The following PTPRD variants were observed in gnomAD, a reference collection of about 807,000 sequenced individuals.
PTPRD encodes the protein receptor-type tyrosine-protein phosphatase delta.
A neutral mutation model predicts 214.5 loss-of-function variants in PTPRD; 34 were observed. That is an observed-to-expected ratio of 0.16 (90% CI 0.12 to 0.21). The LOEUF is 0.21. Among genes scored for constraint, PTPRD ranks in the 10% least tolerant of loss-of-function variants. The pLI, the probability that PTPRD is intolerant of heterozygous loss-of-function variation, is 1.00. For missense variants in PTPRD, 2,545 were observed against 2,398.7 expected (o/e 1.06, Z -1.27); for synonymous variants, 1,128 against 845.7 (o/e 1.33, Z -5.79).
intron 12 of PTPRD, among the ~76,000 whole-genome samples, chr9:8,711,032 A>C (rs935040022): frequency 3.3e-5 from 5 of 149,458 alleles, no homozygotes; most frequent in African/African-American, 7.7e-5. Flanking sequence ...AAAGTATCTT[A>C]CTTTATTTTA....
At chr9:10,038,241 T>G (rs915934992) in intron 3 of PTPRD, among the ~76,000 whole-genome samples, 3 of 152,126 alleles carry the variant, frequency 2.0e-5, no homozygotes, top group African/African-American at 7.2e-5. Flanking sequence ...GGACTTCATC[T>G]TTAACATTTT....
intron 10 of PTPRD, among the ~76,000 whole-genome samples, chr9:9,144,600 A>G (rs1454774957): frequency 6.6e-6 from 1 of 152,088 alleles, no homozygotes; most frequent in Non-Finnish European, 1.5e-5. Context: ...AAAAATAGAA[A>G]AAATTAGCTG....
At chr9:9,642,020 G>A (rs953604549) in intron 7 of PTPRD, among the ~76,000 whole-genome samples, 6 of 150,212 alleles carry the variant, frequency 4.0e-5, no homozygotes, top group African/African-American at 1.5e-4. Flanking sequence ...CAACCCAAAT[G>A]TCCAACAATG....
At chr9:9,680,697 C>T (rs1162881350) in intron 7 of PTPRD, among the ~76,000 whole-genome samples, 1 of 151,684 alleles carries the variant, frequency 6.6e-6, no homozygotes, top group Non-Finnish European at 1.5e-5. Context: ...CTCCCACCAT[C>T]TCCTCCTAGG....
chr9:9,912,062 C>T (rs961433261), intron 5 of PTPRD, among the ~76,000 whole-genome samples: 2 of 151,982 alleles, frequency 1.3e-5, no homozygotes, highest in African/African-American at 2.4e-5. Flanking sequence ...TACAGCCTTG[C>T]TGATATATCT....
intron 2 of PTPRD, among the ~76,000 whole-genome samples, chr9:10,349,428 G>A (rs945660624): frequency 2.0e-5 from 3 of 151,986 alleles, no homozygotes; most frequent in Admixed American, 6.6e-5. Context: ...AGTTAACATT[G>A]TGGCCTATGT....
At chr9:9,335,923 T>A (rs2044265908) in intron 9 of PTPRD, among the ~76,000 whole-genome samples, 3 of 151,958 alleles carry the variant, frequency 2.0e-5, no homozygotes, top group Admixed American at 1.3e-4. Flanking sequence ...TAACATAATA[T>A]TCATTTCCAA....
At chr9:9,229,293 C>T (rs550295913) in intron 9 of PTPRD, among the ~76,000 whole-genome samples, 5 of 152,034 alleles carry the variant, frequency 3.3e-5, no homozygotes, top group Admixed American at 1.3e-4. Context: ...GGATTGCAAA[C>T]AAGAGTCTTT....
chr9:9,449,698 C>G (rs951444840), intron 8 of PTPRD, among the ~76,000 whole-genome samples: 3 of 151,906 alleles, frequency 2.0e-5, no homozygotes, highest in African/African-American at 7.2e-5. Context: ...GATGTGTATT[C>G]AGACATAACC....
At chr9:8,857,187 A>G (rs2097935639) in intron 11 of PTPRD, among the ~76,000 whole-genome samples, 1 of 151,006 alleles carries the variant, frequency 6.6e-6, no homozygotes, top group Non-Finnish European at 1.5e-5. Flanking sequence ...AGTTCAGAGG[A>G]AAGAAAGAAA....
intron 12 of PTPRD, among the ~76,000 whole-genome samples, chr9:8,691,136 G>A (rs1319286791): frequency 7.9e-5 from 12 of 152,024 alleles, no homozygotes; most frequent in Non-Finnish European, 1.3e-4. Flanking sequence ...ACTATTCCTC[G>A]TGGCCACATC....
At chr9:9,891,167 T>C (rs558428739) in intron 5 of PTPRD, among the ~76,000 whole-genome samples, 1 of 152,262 alleles carries the variant, frequency 6.6e-6, no homozygotes, top group East Asian at 1.9e-4. Context: ...CAACGGTATA[T>C]GCACAGTTAT....
At chr9:9,231,773 G>C (rs548807196) in intron 9 of PTPRD, among the ~76,000 whole-genome samples, 2 of 151,940 alleles carry the variant, frequency 1.3e-5, no homozygotes, top group African/African-American at 4.8e-5. Context: ...GGGTACATGT[G>C]CACAACGTAC....
intron 9 of PTPRD, among the ~76,000 whole-genome samples, chr9:9,202,542 C>T (rs1041807013): frequency 2.0e-5 from 3 of 152,138 alleles, no homozygotes; most frequent in Admixed American, 6.5e-5. Context: ...ACATCAGATG[C>T]AAGCTTGATC....
chr9:10,173,887 G>C (rs932945406), intron 3 of PTPRD, among the ~76,000 whole-genome samples: 1 of 151,884 alleles, frequency 6.6e-6, no homozygotes, highest in African/African-American at 2.4e-5. Flanking sequence ...TTAAATTTTA[G>C]ATAGCCAAGG....
chr9:8,374,285 G>C lies in PTPRD; in HGVS notation c.4661+1651C>G, dbSNP rs376710915. On this transcript the variant is annotated intron_variant, in intron 39 of 45. Coordinates refer to ENST00000381196, the MANE Select transcript of PTPRD (RefSeq NM_002839.4). ...TTTCATGTGTGATTTTTATAATCAA[G>C]GTCAGATCTGACCAAGCAGAGGCAC... Among the ~76,000 whole-genome samples, 6 of 151,584 alleles carry C rather than the reference G, an allele frequency of 4.0e-5. No homozygotes were observed. The East Asian group carries it at 1.2e-3, about 30-fold the overall frequency.
chr9:9,889,991 C>T (rs974277581), intron 5 of PTPRD, among the ~76,000 whole-genome samples: 1 of 152,004 alleles, frequency 6.6e-6, no homozygotes, highest in Non-Finnish European at 1.5e-5. Context: ...GCAAACTTCT[C>T]CTTCATCCAG....
chr9:10,579,243 T>G (rs1384224709), intron 2 of PTPRD, among the ~76,000 whole-genome samples: 1 of 152,246 alleles, frequency 6.6e-6, no homozygotes, highest in Admixed American at 6.5e-5. Flanking sequence ...ACATCACATG[T>G]TCTCATCCAA....
intron 5 of PTPRD, among the ~76,000 whole-genome samples, chr9:9,842,943 T>A (rs2058684132): frequency 6.6e-6 from 1 of 152,110 alleles, no homozygotes; most frequent in Admixed American, 6.6e-5. Context: ...TCTATACGGT[T>A]GTATATATAA....
Sources: allele counts gnomAD v4.1 joint callset (sites outside exome capture counted in the v4.1 genomes callset), GRCh38; gene constraint gnomAD v4.1.1; transcripts MANE v1.5; gene names NCBI Gene and HGNC (gene_info 2026-07-23, HGNC 2026-07-21).